The following LATS2 variants were observed in gnomAD, a reference collection of about 807,000 sequenced individuals.
LATS2 encodes the protein serine/threonine-protein kinase LATS2.
LATS2 carries 24 observed loss-of-function variants against 76.0 expected under a neutral mutation model. The observed-to-expected ratio is 0.32, with a 90% CI of 0.23 to 0.44. The LOEUF (loss-of-function observed/expected upper bound fraction) is 0.44, where lower values mean the gene tolerates loss of function less well. Among genes scored for constraint, LATS2 ranks in the 20% least tolerant of loss-of-function variants. LATS2 has a pLI of 1.00. For missense variants in LATS2, 1,286 were observed against 1,481.2 expected (o/e 0.87, Z 2.16); for synonymous variants, 692 against 635.4 (o/e 1.09, Z -1.34).
At chr13:20,993,352 G>T (rs1870592385) in intron 2 of LATS2, among the ~76,000 whole-genome samples, 1 of 152,188 alleles carries the variant, frequency 6.6e-6, no homozygotes, top group Non-Finnish European at 1.5e-5. Flanking sequence ...AGCACTTATT[G>T]TCCATATATG....
intron 7 of LATS2, among the ~76,000 whole-genome samples, chr13:20,977,946 C>T (rs368946130): frequency 6.6e-4 from 100 of 152,120 alleles, no homozygotes; most frequent in Middle Eastern, 3.4e-3. Flanking sequence ...AACAGAGTCT[C>T]GCTCTGTCAT....
At chr13:20,977,843 G>A (rs1869694490) in intron 7 of LATS2, among the ~76,000 whole-genome samples, 1 of 152,078 alleles carries the variant, frequency 6.6e-6, no homozygotes, top group Admixed American at 6.6e-5. Context: ...TTCAATTAGG[G>A]CGCAGATAAT....
At chr13:21,050,223 G>A (rs559613965) in intron 1 of LATS2, among the ~76,000 whole-genome samples, 190 of 151,808 alleles carry the variant, frequency 1.3e-3, no homozygotes, top group Non-Finnish European at 1.5e-3. Flanking sequence ...TTTTGGGGGT[G>A]GAGGGGGTAG....
intron 2 of LATS2, among the ~76,000 whole-genome samples, chr13:21,037,593 C>T (rs569021149): frequency 1.6e-4 from 25 of 152,244 alleles, no homozygotes; most frequent in Admixed American, 5.9e-4. Flanking sequence ...CAAAGGGAGA[C>T]GCACAAACTA....
At chr13:20,981,396 C>A in intron 6 of LATS2, 70 bp downstream of exon 6, 1 of 1,408,762 alleles carries the variant, frequency 7.1e-7, no homozygotes, top group Non-Finnish European at 9.7e-7. Flanking sequence ...AAAGCTAGAG[C>A]CAGCGAGACT....
rs548453129 is a variant in LATS2 at position 21,009,902 on chromosome 13, G to A, written c.343-18498C>T. Among the ~76,000 whole-genome samples the A allele has an allele frequency of 5.3e-4, 80 of 152,168 alleles. 1 individual carries two copies. The highest frequency in any genetic ancestry group is 1.9e-3 in the African/African-American group (79 of 41,524). Reference sequence around the variant, plus strand: ...ACAACACAGTGAGAGCAGACAGCAAGGAAATAACACAGAAGGGCCAGGCGT... The same window carrying A: ...ACAACACAGTGAGAGCAGACAGCAAAGAAATAACACAGAAGGGCCAGGCGT... On this transcript the variant is annotated intron_variant, in intron 2 of 7. Transcript: ENST00000382592.
intron 1 of LATS2, among the ~76,000 whole-genome samples, chr13:21,058,049 A>G (rs1159249533): frequency 6.6e-6 from 1 of 152,228 alleles, no homozygotes; most frequent in East Asian, 1.9e-4. Context: ...ATTACTAAGC[A>G]ATAGACTTTT....
chr13:21,007,531 G>GAGATATATATAT (rs1555225382), intron 2 of LATS2, among the ~76,000 whole-genome samples: 1 of 15,490 alleles, frequency 6.5e-5, no homozygotes, highest in African/African-American at 4.3e-4. Context: ...GTAGGGGATG[G>GAGATATATATAT]ATATATATAT....
At chr13:21,022,307 T>C (rs577430534) in intron 2 of LATS2, among the ~76,000 whole-genome samples, 6 of 152,328 alleles carry the variant, frequency 3.9e-5, no homozygotes, top group African/African-American at 1.4e-4. Flanking sequence ...AGTGTGCATG[T>C]GTGTGAATAT....
chr13:20,996,895 A>G (rs758481913), intron 2 of LATS2, among the ~76,000 whole-genome samples: 1 of 152,178 alleles, frequency 6.6e-6, no homozygotes, highest in Non-Finnish European at 1.5e-5. Flanking sequence ...TAAATGAAAA[A>G]TTATTTTGTC....
chr13:21,010,171 G>C (rs1276430199), intron 2 of LATS2, among the ~76,000 whole-genome samples: 2 of 151,674 alleles, frequency 1.3e-5, no homozygotes, highest in African/African-American at 4.9e-5. Context: ...CTGCACTCCA[G>C]AGTAGGCCAT....
intron 2 of LATS2, among the ~76,000 whole-genome samples, chr13:21,042,633 G>A (rs1437168035): frequency 2.0e-5 from 3 of 151,980 alleles, no homozygotes; most frequent in African/African-American, 7.3e-5. Context: ...GCTGCAGTGA[G>A]CATTGACCTC....
chr13:20,973,455 T>C lies in LATS2; in HGVS notation c.*1415A>G, dbSNP rs924579016. On this transcript the variant is annotated 3_prime_UTR_variant, in exon 8 of 8. Coordinates refer to ENST00000382592, the MANE Select transcript of LATS2 (RefSeq NM_014572.3). ...AAAAGAATTGAACTTTTTACTCAAA[T>C]ATAAATCACTTTAAATAGGAATCAT... The C allele has an allele frequency of 1.3e-5, 3 of 232,422 alleles. No homozygotes were observed. Among genetic ancestry groups the C allele is most frequent in the African/African-American group, 6.6e-5 (3 of 45,288 alleles). The allele number at this position is 232,422 out of a possible 1,614,324, so 14.4% of individuals were successfully genotyped here.
rs748401705 is a variant in LATS2 at position 20,988,169 on chromosome 13, G to A, written c.1611C>T (p.Cys537=). 49 of 1,613,818 alleles carry A rather than the reference G, an allele frequency of 3.0e-5. No homozygotes were observed. The highest frequency in any genetic ancestry group is 4.0e-5 in the Non-Finnish European group (47 of 1,179,976). The change falls in exon 4 of 8, where the codon TGC becomes TGT. Residue 537 remains cysteine (C), a synonymous_variant. Transcript: ENST00000382592. ...KSEQYDLDSL[C]AGMEQSLRAG... is the part of the protein sequence containing the mutation. ...CACGGAGGCTCTGCTCCATGCCTGC[G>A]CACAGGCTGTCCAGGTCGTACTGCT...
chr13:20,974,092 A>T lies in LATS2; in HGVS notation c.*778T>A. On this transcript the variant is annotated 3_prime_UTR_variant, in exon 8 of 8. Transcript: ENST00000382592. ...CAATCATAGCGAAGAGGTCACCCGCACAATACATTATCAGCACACTGTCTA... is the reference window on the plus strand; with the variant it reads ...CAATCATAGCGAAGAGGTCACCCGCTCAATACATTATCAGCACACTGTCTA... The T allele has an allele frequency of 4.4e-6, 1 of 228,322 alleles. No individual in the cohort carries two copies. Among genetic ancestry groups the T allele is most frequent in the East Asian group, 6.3e-5 (1 of 15,788 alleles). The allele number at this position is 228,322 out of a possible 1,614,324, so 14.1% of individuals were successfully genotyped here. A position where few individuals can be genotyped will look rare whatever the true frequency, so the allele number is the denominator to read the frequency against.
At position 21,003,737 on chromosome 13, in the gene LATS2, A is replaced by G. The variant is rs534488245; in HGVS notation, c.343-12333T>C. Among the ~76,000 whole-genome samples the G allele has an allele frequency of 1.4e-3, 209 of 151,506 alleles. 1 individual carries two copies. The highest frequency in any genetic ancestry group is 4.6e-3 in the African/African-American group (188 of 41,286). On this transcript the variant is annotated intron_variant, in intron 2 of 7. Transcript: ENST00000382592. ...GATTACATGCGAGAGCCACCATACCAGGCCTAATTTTTGTCTTTTTGGTAG... is the reference window on the plus strand; with the variant it reads ...GATTACATGCGAGAGCCACCATACCGGGCCTAATTTTTGTCTTTTTGGTAG...
In LATS2 at chr13:20,991,931, C is replaced by T. The variant is rs1364171603; in HGVS notation, c.343-527G>A. ...TGGCTATAGCAGCGGAGGACTGGCC[C>T]TTAGAGATCTGACTCGTAGAAGAAA... On this transcript the variant is annotated intron_variant, in intron 2 of 7. Transcript: ENST00000382592. The surrounding 1 kb of genome is among the most constrained non-coding windows in gnomAD (Gnocchi z 4.9). Among the ~76,000 whole-genome samples the T allele has an allele frequency of 6.6e-6, 1 of 152,146 alleles. No homozygotes were observed. The highest frequency in any genetic ancestry group is 2.4e-5 in the African/African-American group (1 of 41,422).
chr13:20,987,429 TAACTA>T (rs150150190), intron 4 of LATS2, among the ~76,000 whole-genome samples: 21 of 152,348 alleles, frequency 1.4e-4, no homozygotes, highest in African/African-American at 5.0e-4. Flanking sequence ...CATTAGTTAC[TAACTA>T]AACACTTAAA....
chr13:20,985,851 G>A (rs529611621), intron 4 of LATS2, among the ~76,000 whole-genome samples: 1 of 151,500 alleles, frequency 6.6e-6, no homozygotes, highest in Admixed American at 6.6e-5. Flanking sequence ...TTTGAGACCA[G>A]CCTGAACAAC....
Sources: gnomAD v4.1 joint callset for allele counts (sites outside exome capture counted in the v4.1 genomes callset) on GRCh38, gnomAD v4.1.1 for gene constraint, Gnocchi (gnomAD v3.1) non-coding constraint, MANE v1.5 for transcripts, NCBI Gene and HGNC (gene_info 2026-07-23, HGNC 2026-07-21) for gene names.